Variants in FMN2 observed in about 807,000 individuals in gnomAD.
FMN2 encodes formin 2.
FMN2 carries 51 observed loss-of-function variants against 142.3 expected under a neutral mutation model. The observed-to-expected ratio is 0.36, with a 90% confidence interval of 0.29 to 0.45. The LOEUF (loss-of-function observed/expected upper bound fraction) is 0.45, where lower values mean the gene tolerates loss of function less well. Among genes scored for constraint, FMN2 ranks in the 20% least tolerant of loss-of-function variants. The pLI is 1.00. For missense variants in FMN2, 1,936 were observed against 2,122.8 expected, an observed-to-expected ratio of 0.91 and a Z score of 1.73; for synonymous variants, 882 against 869.8, an observed-to-expected ratio of 1.01 and a Z score of -0.25.
At chr1:240,241,416 T>C (rs897455224) in intron 6 of FMN2, among the ~76,000 whole-genome samples, 4 of 152,180 alleles carry the variant, frequency 2.6e-5, no homozygotes, top group African/African-American at 9.6e-5. Flanking sequence ...ATTCCTGTGC[T>C]GTATTTAGTG....
chr1:240,300,367 C>T (rs981921566), intron 8 of FMN2, among the ~76,000 whole-genome samples: 1 of 152,154 alleles, frequency 6.6e-6, no homozygotes, highest in East Asian at 1.9e-4. Flanking sequence ...ACATGTGATG[C>T]CAGCTTCTTT....
chr1:240,293,383 G>A (rs923059120), intron 7 of FMN2, among the ~76,000 whole-genome samples: 7 of 152,098 alleles, frequency 4.6e-5, no homozygotes, highest in African/African-American at 1.4e-4. Flanking sequence ...GCTAGCTGAT[G>A]AATTCCAAAA....
intron 16 of FMN2, among the ~76,000 whole-genome samples, chr1:240,471,123 C>A (rs886482962): frequency 1.3e-5 from 2 of 152,142 alleles, no homozygotes; most frequent in African/African-American, 4.8e-5. Context: ...TTTAACTATA[C>A]CTCTGGTCAG....
At chr1:240,408,011 T>A (rs1233463083) in intron 15 of FMN2, among the ~76,000 whole-genome samples, 1 of 152,196 alleles carries the variant, frequency 6.6e-6, no homozygotes, top group African/African-American at 2.4e-5. Context: ...ATTGCCAAAC[T>A]CTATTGTATA....
At chr1:240,428,780 A>C (rs1024066599) in intron 15 of FMN2, among the ~76,000 whole-genome samples, 1 of 152,226 alleles carries the variant, frequency 6.6e-6, no homozygotes, top group Admixed American at 6.5e-5. Context: ...ATTAATTTAC[A>C]AGAATACAAC....
intron 8 of FMN2, among the ~76,000 whole-genome samples, chr1:240,327,662 C>A (rs979796191): frequency 1.3e-5 from 2 of 151,904 alleles, no homozygotes; most frequent in African/African-American, 4.8e-5. Context: ...AATCCAAATA[C>A]TCTATAAAAT....
At chr1:240,422,424 T>C (rs912274995) in intron 15 of FMN2, among the ~76,000 whole-genome samples, 1 of 152,220 alleles carries the variant, frequency 6.6e-6, no homozygotes, top group African/African-American at 2.4e-5. Flanking sequence ...ATTGATTTCT[T>C]TCATCTGAGT....
intron 8 of FMN2, among the ~76,000 whole-genome samples, chr1:240,306,302 G>A (rs980618422): frequency 6.6e-6 from 1 of 152,012 alleles, no homozygotes; most frequent in African/African-American, 2.4e-5. Context: ...AGATTCAAGG[G>A]ATACATGTGC....
chr1:240,425,561 A>T (rs12132059), intron 15 of FMN2, among the ~76,000 whole-genome samples: 220 of 152,234 alleles, frequency 1.4e-3, no homozygotes, highest in Non-Finnish European at 2.9e-3. Context: ...TAGGTTGTTT[A>T]GATATGCTTC....
intron 7 of FMN2, among the ~76,000 whole-genome samples, chr1:240,283,889 T>C (rs902634910): frequency 6.6e-6 from 1 of 152,290 alleles, no homozygotes; most frequent in African/African-American, 2.4e-5. Context: ...CAGGTGACCA[T>C]AGGAAACTGA....
At chr1:240,295,472 C>T (rs916192667) in intron 8 of FMN2, among the ~76,000 whole-genome samples, 7 of 152,106 alleles carry the variant, frequency 4.6e-5, no homozygotes, top group Non-Finnish European at 7.4e-5. Context: ...GGGCAACCAC[C>T]GTTATGCTTT....
chr1:240,138,209 G>A (rs566151208), intron 2 of FMN2, among the ~76,000 whole-genome samples: 1 of 152,108 alleles, frequency 6.6e-6, no homozygotes, highest in African/African-American at 2.4e-5. Context: ...GGTGTTAGGT[G>A]GAGGAGTATG....
Position 240,177,921 on chromosome 1 carries a change from C to T in FMN2, c.1783C>T (p.Gln595Ter). Residue 595 changes from glutamine to a stop codon, truncating the protein, a stop_gained and splice_region_variant, in exon 3 of 18, where the codon CAA (glutamine) becomes TAA (stop). Transcript: ENST00000319653. LOFTEE classifies it high-confidence loss of function. Reference protein sequence around the residue: ...NAQTNAASFDQDQLYTWAAVS... With the variant: ...NAQTNAASFD ...CAACATTTTTTATTTTTAAATATAG[C>T]AAGATCAACTTTATACCTGGGCTGC... 1 of 1,550,410 alleles carries T rather than the reference C, an allele frequency of 6.4e-7. No homozygotes were observed. Among genetic ancestry groups the T allele is most frequent in the Non-Finnish European group, 8.7e-7 (1 of 1,154,514 alleles).
intron 10 of FMN2, 32 bp downstream of exon 10, chr1:240,329,500 A>C: frequency 1.9e-6 from 3 of 1,605,650 alleles, no homozygotes; most frequent in Non-Finnish European, 2.5e-6. Context: ...GCTGAACTTG[A>C]GTCTCATTTA....
chr1:240,129,974 T>C (rs1428429011), intron 2 of FMN2, among the ~76,000 whole-genome samples: 1 of 152,204 alleles, frequency 6.6e-6, no homozygotes, highest in Non-Finnish European at 1.5e-5. Context: ...TTTTTTGATA[T>C]TGTTTCATCA....
chr1:240,169,519 A>G (rs1664617497), intron 2 of FMN2, among the ~76,000 whole-genome samples: 1 of 152,174 alleles, frequency 6.6e-6, no homozygotes. Flanking sequence ...GCTGGAGTAC[A>G]GTGGTGCGAT....
chr1:240,330,514 A>G, intron 10 of FMN2, 89 bp from the exon 11 acceptor site: 2 of 1,377,604 alleles, frequency 1.5e-6, no homozygotes. Context: ...AACTCCTAAT[A>G]TAATATAAAT....
At chr1:240,434,648 G>A (rs1223175709) in intron 15 of FMN2, among the ~76,000 whole-genome samples, 1 of 150,758 alleles carries the variant, frequency 6.6e-6, no homozygotes, top group Non-Finnish European at 1.5e-5. Context: ...TGCAAGCTCC[G>A]CCTCCCGGGT....
rs779913831 is a variant in FMN2, at chr1:240,108,032, C to A, written c.1615+14308C>A. Among the ~76,000 whole-genome samples, 8 of 152,260 alleles carry A rather than the reference C, an allele frequency of 5.3e-5. No individual in the cohort carries two copies. In the East Asian group the frequency reaches 7.7e-4, roughly 15 times the overall value. On this transcript the variant is annotated intron_variant, in intron 1 of 17. Coordinates refer to ENST00000319653, the MANE Select transcript of FMN2 (RefSeq NM_020066.5). Reference sequence around the variant, plus strand: ...CATTGTAGGCACTTGTTCTTGAAGACTAAGAGGATCTTCCTGTAAGAGTGT... The same window carrying A: ...CATTGTAGGCACTTGTTCTTGAAGAATAAGAGGATCTTCCTGTAAGAGTGT...
Sources: gnomAD v4.1 joint callset for allele counts (sites outside exome capture counted in the v4.1 genomes callset) on GRCh38, gnomAD v4.1.1 for gene constraint, MANE v1.5 for transcripts, NCBI Gene and HGNC (gene_info 2026-07-23, HGNC 2026-07-21) for gene names.